The following BAZ2A variants were observed in gnomAD, a reference collection of about 807,000 sequenced individuals.
BAZ2A encodes the protein bromodomain adjacent to zinc finger domain protein 2A.
A neutral mutation model predicts 199.9 loss-of-function variants in BAZ2A; 34 were observed. That is an observed-to-expected ratio of 0.17 (90% CI 0.13 to 0.23). The LOEUF (loss-of-function observed/expected upper bound fraction) is 0.23. BAZ2A is among the 10% of genes least tolerant of loss of function. The pLI is 1.00. For missense variants in BAZ2A, 2,002 were observed against 2,391.1 expected (o/e 0.84, Z 3.39); for synonymous variants, 857 against 883.9 (o/e 0.97, Z 0.54).
rs1271481800 is a variant in BAZ2A, at chr12:56,597,696, C to T, written c.*922G>A. On this transcript the variant is annotated 3_prime_UTR_variant, in exon 29 of 29. Coordinates refer to ENST00000549884, the MANE Select transcript of BAZ2A (RefSeq NM_001300905.2). ...CACAGCGCTCTCTCTGAGGCCGGCC[C>T]CATTGCTACCTGGCCTCCATCTTAG... 6.6e-6 allele frequency: 1 copy of T among 151,626 alleles called. No homozygotes were observed. The highest frequency in any genetic ancestry group is 1.9e-4 in the East Asian group (1 of 5,236). The allele number at this position is 151,626 out of a possible 1,614,324, so 9.4% of individuals were successfully genotyped here. A position where few individuals can be genotyped will look rare whatever the true frequency, so the allele number is the denominator to read the frequency against.
chr12:56,633,503 G>A (rs1448664010), upstream of BAZ2A, among the ~76,000 whole-genome samples: 2 of 152,122 alleles, frequency 1.3e-5, no homozygotes, highest in African/African-American at 2.4e-5. Context: ...TTCTCTAATG[G>A]AGGTGGGATA....
rs758567615 is a variant in BAZ2A at position 56,606,739 on chromosome 12, A to G, written c.2093-6T>C. ...ATCCTCCTCATTCAATGTTTCTGTG[A>G]GAGCAGAAAGAAAAATGAAACAAGT... On this transcript the variant is annotated splice_region_variant and splice_polypyrimidine_tract_variant and intron_variant, in intron 10 of 28. Transcript: ENST00000549884. 8.7e-6 allele frequency: 14 copies of G among 1,609,382 alleles called. No homozygotes were observed. The Admixed American group carries it at 2.3e-4, about 27-fold the overall frequency.
Position 56,598,463 on chromosome 12 carries a change from AAG to A in BAZ2A, c.*153_*154del. 1.1e-6 allele frequency: 1 copy of A among 887,184 alleles called. No homozygotes were observed. Among genetic ancestry groups the A allele is most frequent in the Middle Eastern group, 2.3e-4 (1 of 4,262 alleles). 55.0% of individuals were successfully genotyped at this position (887,184 alleles called of 1,614,324 possible). ...GGAAGGGAGAAAGGGATGTAGGAATAAGAGGATGTGGGGCACTGCCAAGGGCA... is the reference window on the plus strand; with the variant it reads ...GGAAGGGAGAAAGGGATGTAGGAATAAGGATGTGGGGCACTGCCAAGGGCA... On this transcript the variant is annotated 3_prime_UTR_variant, in exon 29 of 29. Coordinates refer to ENST00000549884, the MANE Select transcript of BAZ2A (RefSeq NM_001300905.2).
chr12:56,604,971 T>G, intron 14 of BAZ2A, 102 bp downstream of exon 14: 1 of 1,423,512 alleles, frequency 7.0e-7, no homozygotes, highest in South Asian at 1.5e-5. Flanking sequence ...AGGAGAGGAG[T>G]CAGGAAGAAA....
intron 1 of BAZ2A, among the ~76,000 whole-genome samples, chr12:56,629,293 C>T (rs116107887): frequency 5.1e-4 from 78 of 152,286 alleles, no homozygotes; most frequent in African/African-American, 1.8e-3. Context: ...CTCCAATTAA[C>T]CCTACAAAGG....
upstream of BAZ2A, among the ~76,000 whole-genome samples, chr12:56,631,169 C>T (rs568481662): frequency 2.6e-4 from 39 of 152,130 alleles, no homozygotes; most frequent in Non-Finnish European, 1.0e-4. Context: ...ATTTCTAGTT[C>T]AGGCCGGACG....
chr12:56,611,827 T>G lies in BAZ2A; in HGVS notation c.1555A>C (p.Thr519Pro). 6.3e-7 allele frequency: 1 copy of G among 1,577,138 alleles called. No homozygotes were observed. Among genetic ancestry groups the G allele is most frequent in the South Asian group, 1.2e-5 (1 of 85,602 alleles). ...ANKDVSSFLE[T>P]TADVEEITGE... ...GTGATCTCTTCCACGTCAGCAGTGGTTTCTAGAAAGCTGCTGACATCCTTA... is the reference window on the plus strand; with the variant it reads ...GTGATCTCTTCCACGTCAGCAGTGGGTTCTAGAAAGCTGCTGACATCCTTA... Residue 519 changes from threonine (T) to proline (P), a missense_variant, in exon 6 of 29, where the codon ACC becomes CCC. Thr to Pro is a conservative substitution (Grantham distance 38). Around this residue, in one of 6 missense-constraint regions of BAZ2A, gnomAD observed 641 missense variants for 694.5 expected, o/e 0.92. Transcript: ENST00000549884.
chr12:56,605,259 G>A lies in BAZ2A; in HGVS notation c.2562C>T (p.Thr854=). ...LPSGAFSDCL[T]IVEFLHSFGK... is the part of the protein sequence containing the mutation. Reference sequence around the variant, plus strand: ...CAAAGCTATGCAGGAACTCCACAATGGTCAAGCAGTCTGAGAAGGCTCCAC... The same window carrying A: ...CAAAGCTATGCAGGAACTCCACAATAGTCAAGCAGTCTGAGAAGGCTCCAC... The change falls in exon 14 of 29, where the codon ACC becomes ACT. Residue 854 remains threonine (T), a synonymous_variant. Coordinates refer to ENST00000549884, the MANE Select transcript of BAZ2A (RefSeq NM_001300905.2). The A allele has an allele frequency of 6.2e-7, 1 of 1,613,824 alleles. No homozygotes were observed. The highest frequency in any genetic ancestry group is 1.3e-5 in the African/African-American group (1 of 75,028).
Position 56,606,552 on chromosome 12 carries a change from G to A in BAZ2A, c.2193+81C>T, listed in dbSNP as rs1226883953. 29 of 1,379,720 alleles carry A rather than the reference G, an allele frequency of 2.1e-5. No individual in the cohort carries two copies. The Admixed American group carries it at 2.5e-4, about 12-fold the overall frequency. The allele number at this position is 1,379,720 out of a possible 1,614,324, so 85.5% of individuals were successfully genotyped here. On this transcript the variant is annotated intron_variant, in intron 11 of 28. Transcript: ENST00000549884. ...GATATGCTGCTACACAGGGAGTGACGGATGTGGGAAATGAAAATAAAAGAT... is the reference window on the plus strand; with the variant it reads ...GATATGCTGCTACACAGGGAGTGACAGATGTGGGAAATGAAAATAAAAGAT...
rs1555204166 is a variant in BAZ2A at position 56,597,562 on chromosome 12, G to GCACACGCACACACACA, written c.*1055_*1056insTGTGTGTGTGCGTGTG. 5.0e-5 allele frequency: 7 copies of GCACACGCACACACACA among 138,718 alleles called. No individual in the cohort carries two copies. Among genetic ancestry groups the GCACACGCACACACACA allele is most frequent in the Admixed American group, 5.0e-4 (7 of 14,128 alleles). 8.6% of individuals were successfully genotyped at this position (138,718 alleles called of 1,614,324 possible). On this transcript the variant is annotated 3_prime_UTR_variant, in exon 29 of 29. Coordinates refer to ENST00000549884, the MANE Select transcript of BAZ2A (RefSeq NM_001300905.2). ...TCAAACAATACAGGGTCACAAGCAC[G>GCACACGCACACACACA]CACACACACACACACACACAGCGCG...
intron 1 of BAZ2A, among the ~76,000 whole-genome samples, chr12:56,627,570 A>G (rs558677370): frequency 6.6e-6 from 1 of 152,140 alleles, no homozygotes; most frequent in African/African-American, 2.4e-5. Context: ...CATGCCTGTA[A>G]TCTCAGTACT....
In BAZ2A at chr12:56,601,530, A is replaced by G. The variant is rs1886482618; in HGVS notation, c.4071+16T>C. 1 of 1,610,404 alleles carries G rather than the reference A, an allele frequency of 6.2e-7. No individual in the cohort carries two copies. The highest frequency in any genetic ancestry group is 8.5e-7 in the Non-Finnish European group (1 of 1,179,014). ...AAGATGAAATCAAGTGCATACTACT[A>G]ATTCTGGCTACTTACTGGCTTGGAG... On this transcript the variant is annotated intron_variant, in intron 20 of 28. Transcript: ENST00000549884.
At position 56,615,181 on chromosome 12, in the gene BAZ2A, G is replaced by C. The variant is rs1163202254; in HGVS notation, c.563C>G (p.Pro188Arg). Residue 188 changes from proline (P) to arginine (R), a missense_variant, in exon 3 of 29, where the codon CCA becomes CGA. Transcript: ENST00000549884. ...PNGPPSFFTS[P>R]QTSPMLGSSI... ...AGATCCCAACATAGGAGAAGTCTGT[G>C]GGGAGGTGAAAAAACTAGGGGGTCC... 1.9e-6 allele frequency: 3 copies of C among 1,613,490 alleles called. No individual in the cohort carries two copies. Among genetic ancestry groups the C allele is most frequent in the Admixed American group, 3.3e-5 (2 of 59,946 alleles).
At chr12:56,605,031 C>A in intron 14 of BAZ2A, 42 bp downstream of exon 14, 2 of 1,538,480 alleles carry the variant, frequency 1.3e-6, no homozygotes, top group South Asian at 2.5e-5. Flanking sequence ...AGTTACATCT[C>A]CTTTACTTGT....
upstream of BAZ2A, among the ~76,000 whole-genome samples, chr12:56,632,985 T>C (rs1951355809): frequency 6.6e-6 from 1 of 152,130 alleles, no homozygotes; most frequent in Non-Finnish European, 1.5e-5. Flanking sequence ...CCCCACCCAT[T>C]TCCCTTCAGG....
chr12:56,599,936 G>A (rs370944197), intron 25 of BAZ2A, 28 bp downstream of exon 25: 4 of 1,613,334 alleles, frequency 2.5e-6, no homozygotes, highest in African/African-American at 2.7e-5. Context: ...TGGCCCCTCA[G>A]CCTCTCCAGG....
At chr12:56,624,919 G>T (rs1213810613) in intron 1 of BAZ2A, among the ~76,000 whole-genome samples, 3 of 152,022 alleles carry the variant, frequency 2.0e-5, no homozygotes, top group Admixed American at 6.6e-5. Flanking sequence ...ATAAACGTAA[G>T]CTCTGAATTA....
At position 56,600,213 on chromosome 12, in the gene BAZ2A, G is replaced by T; in HGVS notation, c.4880C>A (p.Thr1627Asn). 6.2e-7 allele frequency: 1 copy of T among 1,613,924 alleles called. No individual in the cohort carries two copies. Among genetic ancestry groups the T allele is most frequent in the South Asian group, 1.1e-5 (1 of 91,086 alleles). ...LSTPNGAPEG[T>N]TTEISYEITP... ...GGGAGTCACTCACATCTCTGTAGTGGTGCCCTCAGGGGCACCATTAGGTGT... is the reference window on the plus strand; with the variant it reads ...GGGAGTCACTCACATCTCTGTAGTGTTGCCCTCAGGGGCACCATTAGGTGT... Residue 1627 changes from threonine (T) to asparagine (N), a missense_variant, in exon 24 of 29, where the codon ACC becomes AAC. Physicochemically the swap from Thr to Asn is moderately conservative, Grantham distance 65 (BLOSUM62 0). Coordinates refer to ENST00000549884, the MANE Select transcript of BAZ2A (RefSeq NM_001300905.2).
chr12:56,609,286 G>C (rs1950482305), intron 10 of BAZ2A, among the ~76,000 whole-genome samples: 1 of 150,888 alleles, frequency 6.6e-6, no homozygotes, highest in Admixed American at 6.6e-5. Flanking sequence ...GTGATCCTCT[G>C]CTGCCTGCCT....
Sources: gnomAD v4.1 joint callset for allele counts (sites outside exome capture counted in the v4.1 genomes callset) on GRCh38, gnomAD v4.1.1 for gene constraint, gnomAD v4.1.1 regional missense constraint, MANE v1.5 for transcripts, NCBI Gene and HGNC (gene_info 2026-07-23, HGNC 2026-07-21) for gene names.